CEP290: variants seen among roughly 807,000 people sequenced by gnomAD.
CEP290 encodes centrosomal protein of 290 kDa.
Under a neutral mutation model 344.9 loss-of-function variants are expected in CEP290, and 317 were observed. That is an observed-to-expected ratio of 0.92 (90% CI 0.84 to 1.01). CEP290 has a LOEUF of 1.01. Among genes scored for constraint, CEP290 ranks in the 50% least tolerant of loss-of-function variants. The pLI, the probability that CEP290 is intolerant of heterozygous loss-of-function variation, is 0.00. For missense variants in CEP290, 2,754 were observed against 2,761.4 expected (o/e 1.00, Z 0.06); for synonymous variants, 932 against 895.8 (o/e 1.04, Z -0.72).
chr12:88,054,551 T>A lies in CEP290; in HGVS notation c.6961-138A>T, dbSNP rs17418744. 93,999 of 642,478 alleles carry A rather than the reference T, an allele frequency of 0.15. 7,923 individuals are homozygous for A. The highest frequency in any genetic ancestry group is 0.18 in the Non-Finnish European group (65,006 of 371,376). The allele number at this position is 642,478 out of a possible 1,614,324, so 39.8% of individuals were successfully genotyped here. ...GCATAGGCAAATTTCTATGTTCTAT[T>A]CACCATTCATTCAACAAGTATTGAG... On this transcript the variant is annotated intron_variant, in intron 50 of 53. Transcript: ENST00000552810.
Position 88,118,365 on chromosome 12 carries a change from T to C in CEP290, c.1711+118A>G, listed in dbSNP as rs1282787305. ...CCTTCAGGTTATTATTGTCATTTATTAAATTTGTAGCAGATCCACAATAGA... is the reference window on the plus strand; with the variant it reads ...CCTTCAGGTTATTATTGTCATTTATCAAATTTGTAGCAGATCCACAATAGA... On this transcript the variant is annotated intron_variant, in intron 17 of 53. Transcript: ENST00000552810. The C allele has an allele frequency of 7.8e-6, 6 of 767,672 alleles. No individual in the cohort carries two copies. The Admixed American group carries it at 1.7e-4, about 22-fold the overall frequency. The allele number at this position is 767,672 out of a possible 1,614,324, so 47.6% of individuals were successfully genotyped here.
intron 23 of CEP290, among the ~76,000 whole-genome samples, chr12:88,107,974 T>C (rs1031961890): frequency 6.6e-6 from 1 of 151,544 alleles, no homozygotes; most frequent in African/African-American, 2.4e-5. Context: ...CCACAGTATA[T>C]ACATATATAG....
At position 88,111,621 on chromosome 12, in the gene CEP290, A is replaced by G. The variant is rs968291010; in HGVS notation, c.2217+73T>C. 3 of 1,303,876 alleles carry G rather than the reference A, an allele frequency of 2.3e-6. No homozygotes were observed. The Admixed American group carries it at 8.8e-5, about 38-fold the overall frequency. The allele number at this position is 1,303,876 out of a possible 1,614,324, so 80.8% of individuals were successfully genotyped here. Reference sequence around the variant, plus strand: ...CATTTTCTCATAAAGCATTCTTTTTAAAAAATTAAAAATTTCCTATTAAAT... The same window carrying G: ...CATTTTCTCATAAAGCATTCTTTTTGAAAAATTAAAAATTTCCTATTAAAT... On this transcript the variant is annotated intron_variant, in intron 21 of 53. Transcript: ENST00000552810.
At position 88,125,318 on chromosome 12, in the gene CEP290, G is replaced by A; in HGVS notation, c.1117C>T (p.Gln373Ter). 1 of 1,290,560 alleles carries A rather than the reference G, an allele frequency of 7.7e-7. No individual in the cohort carries two copies. Among genetic ancestry groups the A allele is most frequent in the Non-Finnish European group, 1.0e-6 (1 of 980,206 alleles). The allele number at this position is 1,290,560 out of a possible 1,614,324, so 79.9% of individuals were successfully genotyped here. The stretch of plus-strand genomic sequence containing the variant: ...TTCTTTTCCATTTCTTTTGTATATT[G>A]TTCTACTTGTTCGGTGAGCATCTTA... ...QIKMLTEQVE[Q>*]YTKEMEKNTC... is the part of the protein sequence containing the mutation. Residue 373 changes from glutamine to a stop codon, truncating the protein, a stop_gained, in exon 13 of 54, where the codon CAA becomes TAA. Coordinates refer to ENST00000552810, the MANE Select transcript of CEP290 (RefSeq NM_025114.4). LOFTEE classifies it high-confidence loss of function.
rs2039992804 is a variant in CEP290, at chr12:88,130,399, T to C, written c.538A>G (p.Ile180Val). 1 of 1,607,698 alleles carries C rather than the reference T, an allele frequency of 6.2e-7. No individual in the cohort carries two copies. The highest frequency in any genetic ancestry group is 8.5e-7 in the Non-Finnish European group (1 of 1,178,076). ...TCTATTTGTTTCTGGTAGTCAATAA[T>C]ATCCTGACAAAGTTGTTCATTCTGA... ...KKKNEQLCQD[I>V]IDYQKQIDSQ... The change falls in exon 9 of 54, where the codon ATT becomes GTT. Residue 180 changes from isoleucine to valine, a missense_variant. Transcript: ENST00000552810.
intron 50 of CEP290, among the ~76,000 whole-genome samples, 168 bp from the exon 51 acceptor site, chr12:88,054,581 T>C (rs2033850070): frequency 6.6e-6 from 1 of 152,200 alleles, no homozygotes; most frequent in Non-Finnish European, 1.5e-5. Flanking sequence ...ATTGAGTAAC[T>C]ACTGCATAAC....
chr12:88,049,440 T>C, intron 53 of CEP290, 26 bp from the exon 54 acceptor site: 1 of 1,159,060 alleles, frequency 8.6e-7, no homozygotes, highest in Non-Finnish European at 1.2e-6. Context: ...TCTTTAAAAG[T>C]TGCATATAGG....
rs1217225357 is a variant in CEP290 at position 88,129,842 on chromosome 12, T to C, written c.704A>G (p.Gln235Arg). 5 of 1,459,984 alleles carry C rather than the reference T, an allele frequency of 3.4e-6. No homozygotes were observed. Among genetic ancestry groups the C allele is most frequent in the Non-Finnish European group, 3.6e-6 (4 of 1,107,276 alleles). The allele number at this position is 1,459,984 out of a possible 1,614,324, so 90.4% of individuals were successfully genotyped here. A position where few individuals can be genotyped will look rare whatever the true frequency, so the allele number is the denominator to read the frequency against. Residue 235 changes from glutamine (Q) to arginine (R), a missense_variant, in exon 10 of 54, where the codon CAG (glutamine) becomes CGG (arginine). Gln to Arg is a conservative substitution (Grantham distance 43, BLOSUM62 1). Coordinates refer to ENST00000552810, the MANE Select transcript of CEP290 (RefSeq NM_025114.4). ...LTEANEKIEV[Q>R]NQEMRKNLEE... is the part of the protein sequence containing the mutation. ...TAAATTTTTTCTCATTTCTTGATTC[T>C]GAACTTCAATTTTCTCATTAGCTTC...
chr12:88,075,833 G>A (rs1453048587), intron 41 of CEP290, among the ~76,000 whole-genome samples: 1 of 152,100 alleles, frequency 6.6e-6, no homozygotes, highest in Non-Finnish European at 1.5e-5. Flanking sequence ...TTTCTAGTTA[G>A]TAGTAATATC....
chr12:88,110,869 T>G (rs2038637694), intron 22 of CEP290, among the ~76,000 whole-genome samples: 1 of 152,204 alleles, frequency 6.6e-6, no homozygotes, highest in Non-Finnish European at 1.5e-5. Context: ...GTTGTTCTGC[T>G]TGTGAACCAT....
At chr12:88,098,109 C>T (rs1051704466) in intron 26 of CEP290, among the ~76,000 whole-genome samples, 4 of 151,120 alleles carry the variant, frequency 2.6e-5, no homozygotes, top group African/African-American at 9.7e-5. Context: ...GAGTTCGAGA[C>T]AAGCCTGGCC....
chr12:88,084,101 C>G (rs1344550110), intron 35 of CEP290, 147 bp from the exon 36 acceptor site: 1 of 585,536 alleles, frequency 1.7e-6, no homozygotes, highest in East Asian at 3.0e-5. Context: ...TGTATCTAGA[C>G]TGGTATGCAT....
At position 88,115,125 on chromosome 12, in the gene CEP290, T is replaced by C. The variant is rs572123947; in HGVS notation, c.1882A>G (p.Thr628Ala). 1.3e-6 allele frequency: 2 copies of C among 1,489,180 alleles called. No individual in the cohort carries two copies. The highest frequency in any genetic ancestry group is 1.2e-5 in the South Asian group (1 of 80,496). The allele number at this position is 1,489,180 out of a possible 1,614,324, so 92.2% of individuals were successfully genotyped here. ...EKERDLERSR[T>A]VIAKFQNKLK... is the part of the protein sequence containing the mutation. ...TTATTCTGAAATTTGGCTATCACTG[T>C]CCTACTCCTTTCTAAATCTCTTTCT... The change falls in exon 19 of 54, where the codon ACA becomes GCA. Residue 628 changes from threonine to alanine, a missense_variant. Coordinates refer to ENST00000552810, the MANE Select transcript of CEP290 (RefSeq NM_025114.4).
chr12:88,074,121 A>T (rs999602009), intron 41 of CEP290, among the ~76,000 whole-genome samples: 7 of 152,118 alleles, frequency 4.6e-5, no homozygotes, highest in African/African-American at 1.2e-4. Flanking sequence ...GCTACTTGGG[A>T]GGTTGATGCA....
chr12:88,071,522 A>C, intron 42 of CEP290, 73 bp from the exon 43 acceptor site: 2 of 1,271,236 alleles, frequency 1.6e-6, no homozygotes, highest in Non-Finnish European at 2.2e-6. Context: ...CTCATTACCA[A>C]ACCAAATTAC....
intron 5 of CEP290, 110 bp from the exon 6 acceptor site, chr12:88,136,896 G>A: frequency 1.1e-6 from 1 of 942,736 alleles, no homozygotes; most frequent in South Asian, 1.5e-5. Flanking sequence ...TTATACTTCA[G>A]TGCAGATATT....
intron 37 of CEP290, 42 bp from the exon 38 acceptor site, chr12:88,080,437 T>C (rs1053737505): frequency 6.7e-7 from 1 of 1,491,844 alleles, no homozygotes; most frequent in South Asian, 1.2e-5. Flanking sequence ...TTTTTAATTT[T>C]TAATTTTTTT....
intron 37 of CEP290, 65 bp from the exon 38 acceptor site, chr12:88,080,460 C>CAAA: frequency 8.5e-7 from 1 of 1,183,352 alleles, no homozygotes; most frequent in Non-Finnish European, 1.2e-6. Flanking sequence ...GACCCAGTCT[C>CAAA]ACTCTGTCAC....
At chr12:88,121,406 C>T (rs1227789350) in intron 13 of CEP290, among the ~76,000 whole-genome samples, 1 of 152,076 alleles carries the variant, frequency 6.6e-6, no homozygotes, top group Non-Finnish European at 1.5e-5. Flanking sequence ...TTGCAAAATA[C>T]TGCTTTACAA....
Sources: gnomAD v4.1 joint callset for allele counts (sites outside exome capture counted in the v4.1 genomes callset) on GRCh38, gnomAD v4.1.1 for gene constraint, MANE v1.5 for transcripts, NCBI Gene and HGNC (gene_info 2026-07-23, HGNC 2026-07-21) for gene names.